SNTG1: variants seen among roughly 807,000 people sequenced by gnomAD.
The protein encoded by SNTG1 is syntrophin gamma 1.
In SNTG1, 39 loss-of-function variants were observed where a neutral mutation model predicts 74.7. The observed-to-expected ratio is 0.52, with a 90% CI of 0.40 to 0.68. The LOEUF is 0.68. SNTG1 is among the 30% of genes least tolerant of loss of function. SNTG1 has a pLI of 0.00. For missense variants in SNTG1, 685 were observed against 609.5 expected (o/e 1.12, Z -1.30); for synonymous variants, 254 against 217.1 (o/e 1.17, Z -1.49).
intron 4 of SNTG1, among the ~76,000 whole-genome samples, chr8:50,413,441 T>C (rs902474455): frequency 6.6e-6 from 1 of 152,214 alleles, no homozygotes; most frequent in Non-Finnish European, 1.5e-5. Flanking sequence ...AAGTCTGCCA[T>C]CTATCTATTT....
rs569799050 is a variant in SNTG1, at chr8:50,217,426, G to T, written c.-28+44791G>T. On this transcript the variant is annotated intron_variant, in intron 2 of 18. Transcript: ENST00000642720. ...TTAAAAACTCTATTTCCTGACCTTT[G>T]CAATAAAACCCAGTCACCTATTTGT... Among the ~76,000 whole-genome samples the T allele has an allele frequency of 3.3e-5, 5 of 152,004 alleles. No homozygotes were observed. The South Asian group carries it at 1.0e-3, about 32-fold the overall frequency.
chr8:50,179,440 A>T (rs1402892651), intron 2 of SNTG1, among the ~76,000 whole-genome samples: 1 of 152,194 alleles, frequency 6.6e-6, no homozygotes, highest in Non-Finnish European at 1.5e-5. Context: ...CATAAACATT[A>T]GTTATTAAAC....
intron 8 of SNTG1, among the ~76,000 whole-genome samples, chr8:50,474,962 C>G (rs1394449937): frequency 6.6e-6 from 1 of 150,966 alleles, no homozygotes; most frequent in Non-Finnish European, 1.5e-5. Flanking sequence ...TCATTCTGAG[C>G]AAACTATCGC....
At chr8:50,588,898 G>C (rs903146160) in intron 12 of SNTG1, among the ~76,000 whole-genome samples, 3 of 151,784 alleles carry the variant, frequency 2.0e-5, no homozygotes, top group Non-Finnish European at 4.4e-5. Flanking sequence ...ATTTCTAAAG[G>C]CCATTTTCAT....
intron 4 of SNTG1, among the ~76,000 whole-genome samples, chr8:50,428,416 T>A (rs2093191593): frequency 6.6e-6 from 1 of 152,214 alleles, no homozygotes; most frequent in South Asian, 2.1e-4. Context: ...TAACTGACCT[T>A]GGTAAAGTTA....
intron 2 of SNTG1, among the ~76,000 whole-genome samples, chr8:50,338,135 A>G (rs939286441): frequency 6.6e-6 from 1 of 151,864 alleles, no homozygotes; most frequent in Non-Finnish European, 1.5e-5. Context: ...CTCTGTCTCA[A>G]AAAAAATAAA....
At chr8:50,435,731 C>T (rs1435444070) in intron 4 of SNTG1, among the ~76,000 whole-genome samples, 2 of 152,136 alleles carry the variant, frequency 1.3e-5, no homozygotes, top group African/African-American at 4.8e-5. Flanking sequence ...GAGACACTGG[C>T]TATAATTTGC....
intron 2 of SNTG1, among the ~76,000 whole-genome samples, chr8:50,204,110 G>T (rs1433610931): frequency 1.3e-5 from 2 of 152,078 alleles, no homozygotes; most frequent in African/African-American, 2.4e-5. Flanking sequence ...GACTGAAAAA[G>T]GGAATGGGAA....
chr8:50,608,104 C>T (rs11994238), intron 13 of SNTG1, among the ~76,000 whole-genome samples: 33,959 of 151,490 alleles, frequency 0.22, 8,526 homozygotes, highest in African/African-American at 0.62. Flanking sequence ...TTCAATTTTA[C>T]TGGCATCCAT....
At chr8:50,056,112 G>C (rs530678890) in intron 1 of SNTG1, among the ~76,000 whole-genome samples, 7 of 152,216 alleles carry the variant, frequency 4.6e-5, no homozygotes, top group African/African-American at 1.4e-4. Flanking sequence ...CTCCACAATA[G>C]ATAAAACATG....
intron 1 of SNTG1, among the ~76,000 whole-genome samples, chr8:49,946,478 T>C (rs1394218445): frequency 6.6e-6 from 1 of 152,202 alleles, no homozygotes; most frequent in Non-Finnish European, 1.5e-5. Context: ...ACCTGGGCTT[T>C]TGAACATTTT....
intron 1 of SNTG1, among the ~76,000 whole-genome samples, chr8:50,065,488 A>T (rs1404213955): frequency 6.6e-6 from 1 of 152,180 alleles, no homozygotes; most frequent in Non-Finnish European, 1.5e-5. Context: ...TTTGGTTATA[A>T]CCTATCAAAA....
rs568357995 is a variant in SNTG1 at position 50,511,299 on chromosome 8, G to C, written c.466+8419G>C. 3.2e-3 allele frequency among the ~76,000 whole-genome samples: 489 copies of C among 152,092 alleles called. 1 individual carries two copies. The Middle Eastern group carries it at 0.041, about 13-fold the overall frequency. On this transcript the variant is annotated intron_variant, in intron 9 of 18. Coordinates refer to ENST00000642720, the MANE Select transcript of SNTG1 (RefSeq NM_018967.5). ...TGAGAGAGAGTTTGTTATAATTTCT[G>C]TTCTTTTACATTTGCTGAGGAGTGC...
rs374738313 is a variant in SNTG1, at chr8:50,754,004, C to A, written c.1395+1893C>A. On this transcript the variant is annotated intron_variant, in intron 18 of 18. Coordinates refer to ENST00000642720, the MANE Select transcript of SNTG1 (RefSeq NM_018967.5). ...AGCCCTACAGAATTGTTTAACCATACTTGTGTGTATCACCTGAACATTACC... is the reference window on the plus strand; with the variant it reads ...AGCCCTACAGAATTGTTTAACCATAATTGTGTGTATCACCTGAACATTACC... 5.9e-5 allele frequency among the ~76,000 whole-genome samples: 9 copies of A among 152,040 alleles called. No individual in the cohort carries two copies. In the East Asian group the frequency reaches 1.6e-3, roughly 26 times the overall value.
At chr8:50,103,918 A>C (rs1210699801) in intron 1 of SNTG1, among the ~76,000 whole-genome samples, 1 of 152,140 alleles carries the variant, frequency 6.6e-6, no homozygotes, top group Non-Finnish European at 1.5e-5. Flanking sequence ...AGCCCACTTG[A>C]TCATGCTGGA....
chr8:50,036,294 T>C (rs1482872686), intron 1 of SNTG1, among the ~76,000 whole-genome samples: 1 of 152,188 alleles, frequency 6.6e-6, no homozygotes, highest in South Asian at 2.1e-4. Context: ...TCTATGCAGC[T>C]CCTGCATAGT....
At chr8:50,246,888 C>T (rs952648602) in intron 2 of SNTG1, among the ~76,000 whole-genome samples, 1 of 152,144 alleles carries the variant, frequency 6.6e-6, no homozygotes, top group Non-Finnish European at 1.5e-5. Flanking sequence ...TGTGCTTTGT[C>T]TTCTGGATTG....
intron 9 of SNTG1, among the ~76,000 whole-genome samples, chr8:50,524,983 A>G: frequency 6.6e-6 from 1 of 152,044 alleles, no homozygotes; most frequent in East Asian, 1.9e-4. Context: ...ATTATTTTTT[A>G]TATGCATTTC....
chr8:50,763,856 AACACACACACACACACACAC>A (rs59221694), intron 18 of SNTG1, among the ~76,000 whole-genome samples: 2,341 of 103,482 alleles, frequency 0.023, 87 homozygotes, highest in African/African-American at 0.07. Context: ...TTAATACAGA[AACACACACACACACACACAC>A]ACACACACAC....
Sources: allele counts gnomAD v4.1 joint callset (sites outside exome capture counted in the v4.1 genomes callset), GRCh38; gene constraint gnomAD v4.1.1; transcripts MANE v1.5; gene names NCBI Gene and HGNC (gene_info 2026-07-23, HGNC 2026-07-21).